The following FUT2 variants were observed in gnomAD, a reference collection of about 807,000 sequenced individuals.
FUT2 encodes galactoside alpha-(1,2)-fucosyltransferase 2.
For synonymous variants in FUT2, 182 were observed against 193.1 expected (o/e 0.94, Z 0.48); for missense variants, 419 against 465.8 (o/e 0.90, Z 0.93).
In FUT2 at chr19:48,703,048, G is replaced by A. The variant is rs776016342; in HGVS notation, c.92G>A (p.Arg31Gln). The A allele has an allele frequency of 3.3e-5, 54 of 1,612,912 alleles. No homozygotes were observed. The Admixed American group carries it at 6.2e-4, about 18-fold the overall frequency. Residue 31 changes from arginine (R) to glutamine (Q), a missense_variant, in exon 2 of 2, where the codon CGG becomes CAG. Physicochemically the swap from Arg to Gln is conservative, Grantham distance 43. Coordinates refer to ENST00000425340, the MANE Select transcript of FUT2 (RefSeq NM_000511.6). ...TVSTIFHVQQ[R>Q]LAKIQAMWEL... ...TCCACTATATTTCACGTTCAGCAGC[G>A]GCTAGCGAAGATTCAAGCCATGTGG... is the stretch of plus-strand genomic sequence containing the variant.
intron 1 of FUT2, among the ~76,000 whole-genome samples, chr19:48,698,741 C>T (rs1022240184): frequency 2.6e-5 from 4 of 152,044 alleles, no homozygotes; most frequent in Middle Eastern, 3.4e-3. Flanking sequence ...CTGCGCCTGG[C>T]CTAATTTTCT....
rs1403704427 is a variant in FUT2, at chr19:48,703,805, C to T, written c.849C>T (p.His283=). 1.1e-5 allele frequency: 17 copies of T among 1,613,560 alleles called. No individual in the cohort carries two copies. Among genetic ancestry groups the T allele is most frequent in the Non-Finnish European group, 1.2e-5 (14 of 1,180,042 alleles). The change falls in exon 2 of 2, where the codon CAC becomes CAT. Residue 283 remains histidine, a synonymous_variant. Coordinates refer to ENST00000425340, the MANE Select transcript of FUT2 (RefSeq NM_000511.6). ...KDFALLTQCN[H]TIMTIGTFGI... ...TTGCTCTACTCACACAGTGTAACCA[C>T]ACCATCATGACCATTGGGACGTTCG... is the stretch of plus-strand genomic sequence containing the variant.
chr19:48,700,368 C>T (rs980161377), intron 1 of FUT2, among the ~76,000 whole-genome samples: 10 of 150,996 alleles, frequency 6.6e-5, no homozygotes, highest in Non-Finnish European at 1.0e-4. Context: ...GCTCTGTCTC[C>T]CAGGCTGGAG....
chr19:48,703,599 G>T lies in FUT2; in HGVS notation c.643G>T (p.Gly215Trp), dbSNP rs373601796. The T allele has an allele frequency of 5.0e-6, 8 of 1,613,168 alleles. No homozygotes were observed. In the Admixed American group the frequency reaches 6.7e-5, roughly 13 times the overall value. ...CCATGTCATGCCAAAAGTGTGGAAG[G>T]GGGTGGTGGCCGACCGGCGATACCT... is the stretch of plus-strand genomic sequence containing the variant. ...YVHVMPKVWK[G>W]VVADRRYLQQ... Residue 215 changes from glycine (G) to tryptophan (W), a missense_variant, in exon 2 of 2, where the codon GGG (glycine) becomes TGG (tryptophan). Physicochemically the swap from Gly to Trp is radical, Grantham distance 184. Coordinates refer to ENST00000425340, the MANE Select transcript of FUT2 (RefSeq NM_000511.6).
At chr19:48,699,775 G>A (rs144951605) in intron 1 of FUT2, among the ~76,000 whole-genome samples, 1 of 152,178 alleles carries the variant, frequency 6.6e-6, no homozygotes, top group Non-Finnish European at 1.5e-5. Context: ...TGGTGGTGAT[G>A]TGTCTTTGAG....
rs755843863 is a variant in FUT2, at chr19:48,703,477, T to G, written c.521T>G (p.Val174Gly). The change falls in exon 2 of 2, where the codon GTG becomes GGG. Residue 174 changes from valine (V) to glycine (G), a missense_variant. Transcript: ENST00000425340. ...ILQEFTLHDH[V>G]REEAQKFLRG... ...CAGGAGTTCACCCTGCACGACCACG[T>G]GCGGGAGGAGGCCCAGAAGTTCCTG... 5.0e-6 allele frequency: 8 copies of G among 1,612,880 alleles called. No individual in the cohort carries two copies. The Admixed American group carries it at 1.0e-4, about 20-fold the overall frequency.
chr19:48,703,680 A>G lies in FUT2; in HGVS notation c.724A>G (p.Thr242Ala), dbSNP rs752759117. ...CTACAGCTCCCTCATCTTCGTGGTC[A>G]CCAGTAATGGCATGGCCTGGTGTCG... ...ARYSSLIFVV[T>A]SNGMAWCREN... The change falls in exon 2 of 2, where the codon ACC (threonine) becomes GCC (alanine). Residue 242 changes from threonine (T) to alanine (A), a missense_variant. Thr to Ala is a moderately conservative substitution (Grantham distance 58). Coordinates refer to ENST00000425340, the MANE Select transcript of FUT2 (RefSeq NM_000511.6). 3.1e-6 allele frequency: 5 copies of G among 1,613,566 alleles called. No individual in the cohort carries two copies. Among genetic ancestry groups the G allele is most frequent in the Admixed American group, 1.7e-5 (1 of 59,988 alleles).
chr19:48,697,144 G>C (rs1318209193), intron 1 of FUT2, among the ~76,000 whole-genome samples: 1 of 151,754 alleles, frequency 6.6e-6, no homozygotes, highest in African/African-American at 2.4e-5. Context: ...TCAGGAGTTC[G>C]AGACCAGTCT....
At position 48,697,352 on chromosome 19, in the gene FUT2, A is replaced by AC. The variant is rs2032433416; in HGVS notation, c.-3+1263_-3+1264insC. ...AAGAGCAAAACTCCGTCTCAAAAAAAAAAAAAAAAAAAAAAATCTCAGTAA... is the reference window on the plus strand; with the variant it reads ...AAGAGCAAAACTCCGTCTCAAAAAAACAAAAAAAAAAAAAAAATCTCAGTAA... On this transcript the variant is annotated intron_variant, in intron 1 of 1. Coordinates refer to ENST00000425340, the MANE Select transcript of FUT2 (RefSeq NM_000511.6). 8.8e-5 allele frequency among the ~76,000 whole-genome samples: 5 copies of AC among 57,136 alleles called. No homozygotes were observed. In the South Asian group the frequency reaches 2.0e-3, roughly 23 times the overall value. The allele number at this position is 57,136 out of a possible 152,430, so 37.5% of individuals were successfully genotyped here. A position where few individuals can be genotyped will look rare whatever the true frequency, so the allele number is the denominator to read the frequency against.
chr19:48,700,171 A>AG (rs1193209563), intron 1 of FUT2, among the ~76,000 whole-genome samples: 1 of 150,292 alleles, frequency 6.7e-6, no homozygotes, highest in East Asian at 2.0e-4. Flanking sequence ...AAAAAAAAAA[A>AG]AAAGAAAAGG....
chr19:48,698,314 A>G (rs2032451554), intron 1 of FUT2, among the ~76,000 whole-genome samples: 1 of 151,986 alleles, frequency 6.6e-6, no homozygotes, highest in African/African-American at 2.4e-5. Context: ...GGCTCCAGTC[A>G]AGGTCAGTGC....
rs754080679 is a variant in FUT2 at position 48,703,378 on chromosome 19, C to G, written c.422C>G (p.Pro141Arg). The change falls in exon 2 of 2, where the codon CCG (proline) becomes CGG (arginine). Residue 141 changes from proline (P) to arginine (R), a missense_variant. Physicochemically the swap from Pro to Arg is moderately radical, Grantham distance 103. Coordinates refer to ENST00000425340, the MANE Select transcript of FUT2 (RefSeq NM_000511.6). ...DWMEEEYRHI[P>R]GEYVRFTGYP... is the part of the protein sequence containing the mutation. ...ATGGAGGAGGAATACCGCCACATCC[C>G]GGGGGAGTACGTCCGCTTCACCGGC... 1 of 1,613,086 alleles carries G rather than the reference C, an allele frequency of 6.2e-7. No individual in the cohort carries two copies.
chr19:48,701,928 G>T (rs894400448), intron 1 of FUT2, among the ~76,000 whole-genome samples: 1 of 152,012 alleles, frequency 6.6e-6, no homozygotes, highest in African/African-American at 2.4e-5. Context: ...GGGAGGCAGA[G>T]GTTGCAGTGA....
rs370128208 is a variant in FUT2, at chr19:48,702,952, C to T, written c.-2-3C>T. ...AACGTGTCCCGTTTTCCTCCCCTGA[C>T]AGCCATGCTGGTCGTTCAGATGCCT... On this transcript the variant is annotated splice_region_variant and splice_polypyrimidine_tract_variant and intron_variant, in intron 1 of 1. Coordinates refer to ENST00000425340, the MANE Select transcript of FUT2 (RefSeq NM_000511.6). The T allele has an allele frequency of 1.5e-5, 25 of 1,613,002 alleles. No homozygotes were observed. In the African/African-American group the frequency reaches 2.8e-4, roughly 18 times the overall value.
At chr19:48,700,817 G>A (rs780599220) in intron 1 of FUT2, among the ~76,000 whole-genome samples, 1 of 152,110 alleles carries the variant, frequency 6.6e-6, no homozygotes, top group Non-Finnish European at 1.5e-5. Flanking sequence ...CGATGGGTAG[G>A]AATTGTCACA....
intron 1 of FUT2, among the ~76,000 whole-genome samples, chr19:48,700,688 G>A (rs896077643): frequency 6.6e-6 from 1 of 151,984 alleles, no homozygotes; most frequent in African/African-American, 2.4e-5. Flanking sequence ...TACACATCCA[G>A]CCATCACATG....
chr19:48,699,132 GTGT>G (rs1408959489), intron 1 of FUT2, among the ~76,000 whole-genome samples: 1 of 151,940 alleles, frequency 6.6e-6, no homozygotes, highest in Non-Finnish European at 1.5e-5. Flanking sequence ...TTTAAGGCAA[GTGT>G]TGACATGGGA....
At chr19:48,699,256 C>T (rs1160671254) in intron 1 of FUT2, among the ~76,000 whole-genome samples, 2 of 151,872 alleles carry the variant, frequency 1.3e-5, no homozygotes, top group Non-Finnish European at 2.9e-5. Flanking sequence ...TGCAGTGGCG[C>T]GATCTTAGCT....
chr19:48,696,575 C>G (rs1165877665), intron 1 of FUT2: 1 of 152,328 alleles, frequency 6.6e-6, no homozygotes, highest in Non-Finnish European at 1.5e-5. Context: ...CTCCGTCCCT[C>G]CTGCACTCCC....
Sources: gnomAD v4.1 joint callset for allele counts (sites outside exome capture counted in the v4.1 genomes callset) on GRCh38, gnomAD v4.1.1 for gene constraint, MANE v1.5 for transcripts, NCBI Gene and HGNC (gene_info 2026-07-23, HGNC 2026-07-21) for gene names.